The following SYNE2 variants were observed in gnomAD, a reference collection of about 807,000 sequenced individuals.
SYNE2 encodes spectrin repeat containing nuclear envelope protein 2.
SYNE2 carries 431 observed loss-of-function variants against 856.3 expected under a neutral mutation model. That is an observed-to-expected ratio of 0.50 (90% CI 0.47 to 0.55). SYNE2 has a LOEUF of 0.55. Ranked by LOEUF, SYNE2 falls within the 20% of genes least tolerant of loss-of-function variation. The pLI is 0.00. For missense variants in SYNE2, 8,129 were observed against 8,023.2 expected (o/e 1.01, Z -0.50); for synonymous variants, 2,923 against 2,872.3 (o/e 1.02, Z -0.56).
chr14:63,872,498 A>G (rs982310616), intron 1 of SYNE2, among the ~76,000 whole-genome samples: 1 of 151,140 alleles, frequency 6.6e-6, no homozygotes, highest in Non-Finnish European at 1.5e-5. Flanking sequence ...GCTCACACCT[A>G]TAATCCCAGC....
At chr14:63,930,533 C>CTTTT (rs147797429) in intron 2 of SYNE2, among the ~76,000 whole-genome samples, 6 of 128,508 alleles carry the variant, frequency 4.7e-5, no homozygotes, top group African/African-American at 1.8e-4. Flanking sequence ...CATTATCCTT[C>CTTTT]TTTTTTTTTT....
At chr14:64,021,119 G>GT (rs571573143) in intron 35 of SYNE2, among the ~76,000 whole-genome samples, 196 bp from the exon 36 acceptor site, 3 of 151,850 alleles carry the variant, frequency 2.0e-5, no homozygotes, top group African/African-American at 7.3e-5. Context: ...ATCCATTTCA[G>GT]TTTTTTTTAT....
At chr14:64,023,227 G>A (rs1043935210) in intron 38 of SYNE2, 6 of 202,422 alleles carry the variant, frequency 3.0e-5, no homozygotes, top group South Asian at 9.6e-5. Context: ...CATCCTGGGC[G>A]ACAGAGTGAG....
chr14:63,945,552 A>G (rs968048504), intron 6 of SYNE2, among the ~76,000 whole-genome samples: 2 of 152,102 alleles, frequency 1.3e-5, no homozygotes, highest in Non-Finnish European at 2.9e-5. Context: ...ATACCGTAAC[A>G]TATTTACCAT....
At chr14:63,772,103 A>C (rs1886939317) in intron 1 of SYNE2, among the ~76,000 whole-genome samples, 1 of 152,236 alleles carries the variant, frequency 6.6e-6, no homozygotes, top group African/African-American at 2.4e-5. Context: ...CTGTAATCCC[A>C]GCACTTTGGG....
intron 2 of SYNE2, among the ~76,000 whole-genome samples, chr14:63,929,326 T>C (rs1388527456): frequency 1.3e-5 from 2 of 152,200 alleles, no homozygotes; most frequent in African/African-American, 4.8e-5. Flanking sequence ...CTGTATCCTA[T>C]GGAAATTCTA....
rs1180049691 is a variant in SYNE2 at position 64,098,004 on chromosome 14, A to T, written c.12164A>T (p.Asp4055Val). Residue 4055 changes from aspartate (D) to valine (V), a missense_variant, in exon 62 of 116, where the codon GAC (aspartate) becomes GTC (valine). By Grantham distance (152) the Asp-to-Val change is radical. Coordinates refer to ENST00000555002, the MANE Select transcript of SYNE2 (RefSeq NM_182914.3). The part of the protein sequence containing the change: ...QILSLNQRKE[D>V]LLVDLKATVL... ...CTGAGTTTGAACCAGAGAAAAGAAG[A>T]CCTGTTGGTGGACTTGAAGGCCACC... The T allele has an allele frequency of 1.2e-6, 2 of 1,614,212 alleles. No homozygotes were observed. Among genetic ancestry groups the T allele is most frequent in the Non-Finnish European group, 1.7e-6 (2 of 1,180,032 alleles).
At chr14:63,919,307 G>C (rs1036397073) in intron 2 of SYNE2, among the ~76,000 whole-genome samples, 3 of 152,200 alleles carry the variant, frequency 2.0e-5, no homozygotes, top group African/African-American at 7.2e-5. Flanking sequence ...CATAGAGCTT[G>C]GGTGACTTCT....
At position 64,122,084 on chromosome 14, in the gene SYNE2, C is replaced by T. The variant is rs1470394874; in HGVS notation, c.13231C>T (p.Pro4411Ser). Residue 4411 changes from proline to serine, a missense_variant, in exon 69 of 116, where the codon CCC becomes TCC. Pro to Ser is a moderately conservative substitution (Grantham distance 74). This residue lies in a region of SYNE2 where 5,410 missense variants were observed against 5,284.8 expected (regional missense o/e 1.02). Coordinates refer to ENST00000555002, the MANE Select transcript of SYNE2 (RefSeq NM_182914.3). ...FIEFNAKKMW[P>S]QYCQHDNDTT... ...AGAATTTAATGCTAAGAAAATGTGG[C>T]CCCAGTATTGCCAACATGATAACGA... 6.2e-7 allele frequency: 1 copy of T among 1,613,944 alleles called. No individual in the cohort carries two copies. Among genetic ancestry groups the T allele is most frequent in the Non-Finnish European group, 8.5e-7 (1 of 1,180,000 alleles).
chr14:64,017,588 A>G lies in SYNE2; in HGVS notation c.4888-7A>G, dbSNP rs2096903178. Reference sequence around the variant, plus strand: ...CATATGTTGTTTCTCTTTTTAAATTATGGTAGATAAATGAGAAGACAGAAG... The same window carrying G: ...CATATGTTGTTTCTCTTTTTAAATTGTGGTAGATAAATGAGAAGACAGAAG... On this transcript the variant is annotated splice_region_variant and splice_polypyrimidine_tract_variant and intron_variant, in intron 33 of 115. Transcript: ENST00000555002. 1 of 1,606,574 alleles carries G rather than the reference A, an allele frequency of 6.2e-7. No homozygotes were observed.
chr14:63,882,545 A>T (rs1340698081), intron 1 of SYNE2, among the ~76,000 whole-genome samples: 1 of 138,492 alleles, frequency 7.2e-6, no homozygotes, highest in Non-Finnish European at 1.6e-5. Flanking sequence ...GGGAGAACTC[A>T]TCTCTACACA....
chr14:64,093,605 A>G lies in SYNE2; in HGVS notation c.12108+125A>G. On this transcript the variant is annotated intron_variant, in intron 61 of 115. Transcript: ENST00000555002. ...GCAGTGTAACACCTGTTTCTCTGTA[A>G]CAATTGAAGGTATTTCTGTGTGTGT... 3.0e-6 allele frequency: 3 copies of G among 991,348 alleles called. 1 individual carries two copies. Among genetic ancestry groups the G allele is most frequent in the Non-Finnish European group, 4.8e-6 (3 of 625,628 alleles). 61.4% of individuals were successfully genotyped at this position (991,348 alleles called of 1,614,324 possible).
chr14:64,219,056 C>T, intron 109 of SYNE2, 152 bp from the exon 110 acceptor site: 1 of 701,720 alleles, frequency 1.4e-6, no homozygotes, highest in Non-Finnish European at 2.3e-6. Context: ...GAAGAGAGAA[C>T]TCCCAAAACC....
At chr14:64,190,614 G>A in intron 99 of SYNE2, 1 of 702,224 alleles carries the variant, frequency 1.4e-6, no homozygotes. Context: ...TGGCAGATCA[G>A]GTAAGGGCAC....
intron 90 of SYNE2, chr14:64,167,011 G>C (rs2098383649): frequency 1.7e-6 from 1 of 589,126 alleles, no homozygotes; most frequent in South Asian, 2.0e-5. Flanking sequence ...TTCCTGGGCT[G>C]TTTGGGTGCT....
At chr14:64,225,114 A>C in intron 115 of SYNE2, 69 bp downstream of exon 115, 1 of 1,588,614 alleles carries the variant, frequency 6.3e-7, no homozygotes, top group Non-Finnish European at 8.6e-7. Context: ...AGTCTTGCCA[A>C]TGCCACTATC....
chr14:64,157,588 CTT>C (rs1225614812), intron 85 of SYNE2, among the ~76,000 whole-genome samples: 1 of 152,120 alleles, frequency 6.6e-6, no homozygotes, highest in African/African-American at 2.4e-5. Flanking sequence ...TTTTAATTCT[CTT>C]GTGTGTATAA....
At chr14:64,127,271 A>T (rs561691966) in intron 73 of SYNE2, among the ~76,000 whole-genome samples, 2 of 151,998 alleles carry the variant, frequency 1.3e-5, no homozygotes, top group East Asian at 3.9e-4. Flanking sequence ...AAAAAAAAAA[A>T]GGTGAAGCCC....
intron 47 of SYNE2, among the ~76,000 whole-genome samples, chr14:64,050,190 C>G (rs2097214678): frequency 6.6e-6 from 1 of 152,206 alleles, no homozygotes; most frequent in Admixed American, 6.5e-5. Context: ...CACATCTTAG[C>G]TGTGTCCTCA....
Sources: allele counts gnomAD v4.1 joint callset (sites outside exome capture counted in the v4.1 genomes callset), GRCh38; gene constraint gnomAD v4.1.1; regional missense constraint gnomAD v4.1.1; transcripts MANE v1.5; gene names NCBI Gene and HGNC (gene_info 2026-07-23, HGNC 2026-07-21).